Variants in LPAR1 observed in about 807,000 individuals in gnomAD.
The protein encoded by LPAR1 is lysophosphatidic acid receptor 1, also known as LPA receptor 1.
In LPAR1, 5 loss-of-function variants were observed where a neutral mutation model predicts 23.8. The ratio of observed to expected loss-of-function variants is 0.21; its 90% CI spans 0.11 to 0.44. The LOEUF (loss-of-function observed/expected upper bound fraction) is 0.44. Ranked by LOEUF, LPAR1 falls within the 20% of genes least tolerant of loss-of-function variation. The pLI is 0.99. For synonymous variants in LPAR1, 160 were observed against 164.7 expected (o/e 0.97, Z 0.22); for missense variants, 311 against 482.8 (o/e 0.64, Z 3.33).
intron 2 of LPAR1, among the ~76,000 whole-genome samples, chr9:111,025,279 T>G (rs2097668002): frequency 1.3e-5 from 2 of 152,234 alleles, no homozygotes; most frequent in African/African-American, 4.8e-5. Context: ...GTGGTTTGAT[T>G]TGTATTTCTC....
At chr9:110,994,092 T>C (rs1427743044) in intron 2 of LPAR1, among the ~76,000 whole-genome samples, 5 of 152,154 alleles carry the variant, frequency 3.3e-5, no homozygotes, top group African/African-American at 1.2e-4. Context: ...GTGATCAAAA[T>C]AACATCACCA....
chr9:111,036,667 G>T (rs956086716), intron 1 of LPAR1, among the ~76,000 whole-genome samples: 12 of 152,164 alleles, frequency 7.9e-5, no homozygotes. Flanking sequence ...GCTAGGGGAC[G>T]TGGTGTACCT....
intron 5 of LPAR1, among the ~76,000 whole-genome samples, chr9:110,924,795 T>A (rs1408118398): frequency 6.6e-6 from 1 of 152,364 alleles, no homozygotes; most frequent in East Asian, 1.9e-4. Flanking sequence ...TACATAAAAT[T>A]CATTTACATA....
At chr9:110,932,561 C>T (rs1038345953) in intron 5 of LPAR1, among the ~76,000 whole-genome samples, 7 of 152,316 alleles carry the variant, frequency 4.6e-5, no homozygotes, top group East Asian at 3.9e-4. Flanking sequence ...ATCAGGGGTT[C>T]GAAATCCCCA....
Position 110,941,422 on chromosome 9 carries a change from A to G in LPAR1, c.792T>C (p.Leu264=), listed in dbSNP as rs746360759. ...MSLLKTVVIV[L]GAFIICWTPG... ...AGTTACAGTCAAGACAGAACTTACC[A>G]AGCACAATGACCACAGTCTTCAGAA... The change falls in exon 5 of 6, where the codon CTT becomes CTC. Residue 264 remains leucine, a splice_region_variant and synonymous_variant. Coordinates refer to ENST00000683809, the MANE Select transcript of LPAR1 (RefSeq NM_001351411.2). The surrounding 1 kb of genome is among the most constrained non-coding windows in gnomAD (Gnocchi z 6.1). The G allele has an allele frequency of 1.2e-6, 2 of 1,606,464 alleles. No individual in the cohort carries two copies. The highest frequency in any genetic ancestry group is 2.2e-5 in the East Asian group (1 of 44,784).
At chr9:110,892,693 GAGGGGAAGGGAAAGGAAGGGAA>G (rs1303655814) in intron 5 of LPAR1, among the ~76,000 whole-genome samples, 2 of 148,708 alleles carry the variant, frequency 1.3e-5, no homozygotes, top group Non-Finnish European at 3.0e-5. Flanking sequence ...GAAGGGAGGG[GAGGGGAAGGGAAAGGAAGGGAA>G]AGGGGAAGGG....
intron 4 of LPAR1, among the ~76,000 whole-genome samples, chr9:110,968,196 T>C (rs1470081892): frequency 6.6e-6 from 1 of 152,212 alleles, no homozygotes; most frequent in Admixed American, 6.5e-5. Context: ...TCCAACTTTA[T>C]AACCTAACCC....
At chr9:110,945,340 G>C (rs928156616) in intron 4 of LPAR1, 13 of 152,138 alleles carry the variant, frequency 8.5e-5, no homozygotes, top group African/African-American at 3.1e-4. Flanking sequence ...GAACATAATG[G>C]GGAAAAATGT....
chr9:110,875,827 A>G (rs1380907344), intron 5 of LPAR1, 105 bp from the exon 6 acceptor site: 24 of 580,390 alleles, frequency 4.1e-5, no homozygotes, highest in Non-Finnish European at 1.1e-5. Context: ...CAATATAAAA[A>G]TACTGAAGTT....
chr9:110,990,120 C>T (rs1330998112), intron 2 of LPAR1, among the ~76,000 whole-genome samples: 1 of 151,914 alleles, frequency 6.6e-6, no homozygotes, highest in African/African-American at 2.4e-5. Flanking sequence ...GAAGTAAAAA[C>T]GAGTAACTGG....
chr9:110,923,293 G>T (rs1017608239), intron 5 of LPAR1, among the ~76,000 whole-genome samples: 1 of 152,174 alleles, frequency 6.6e-6, no homozygotes, highest in African/African-American at 2.4e-5. Flanking sequence ...TATACAGACG[G>T]TCCCTGACTT....
At chr9:110,975,490 A>G (rs1038357089) in intron 2 of LPAR1, among the ~76,000 whole-genome samples, 4 of 152,220 alleles carry the variant, frequency 2.6e-5, no homozygotes, top group Admixed American at 2.6e-4. Context: ...CCACAGTCAC[A>G]CAGTCAGGAA....
At chr9:110,876,533 C>T (rs370274909) in intron 5 of LPAR1, among the ~76,000 whole-genome samples, 67 of 152,136 alleles carry the variant, frequency 4.4e-4, no homozygotes, top group African/African-American at 1.5e-3. Flanking sequence ...AACTGAGACC[C>T]AGAAAGTTTA....
intron 5 of LPAR1, among the ~76,000 whole-genome samples, chr9:110,908,894 T>C (rs968432851): frequency 2.0e-5 from 3 of 152,222 alleles, no homozygotes; most frequent in Non-Finnish European, 2.9e-5. Flanking sequence ...CATCGTTCCA[T>C]AGACTGTTCT....
intron 5 of LPAR1, among the ~76,000 whole-genome samples, chr9:110,883,940 T>A (rs933799906): frequency 6.6e-6 from 1 of 152,134 alleles, no homozygotes; most frequent in African/African-American, 2.4e-5. Flanking sequence ...TTGGAATCTC[T>A]TTTCTTCTCC....
At chr9:110,919,775 G>C (rs2093483938) in intron 5 of LPAR1, among the ~76,000 whole-genome samples, 1 of 152,150 alleles carries the variant, frequency 6.6e-6, no homozygotes, top group Admixed American at 6.5e-5. Context: ...AATGCTTGCT[G>C]GCCCAAGGAA....
intron 4 of LPAR1, among the ~76,000 whole-genome samples, chr9:110,962,245 C>T (rs1178362382): frequency 6.6e-6 from 1 of 152,184 alleles, no homozygotes; most frequent in African/African-American, 2.4e-5. Flanking sequence ...CTACACAATC[C>T]AGCATGTCAG....
intron 5 of LPAR1, among the ~76,000 whole-genome samples, chr9:110,919,828 T>C (rs1341126720): frequency 6.6e-6 from 1 of 152,164 alleles, no homozygotes; most frequent in Non-Finnish European, 1.5e-5. Flanking sequence ...CCAGACAGCC[T>C]GTAACTTCCA....
At chr9:110,947,303 T>A (rs2095415915) in intron 4 of LPAR1, among the ~76,000 whole-genome samples, 1 of 152,168 alleles carries the variant, frequency 6.6e-6, no homozygotes, top group Non-Finnish European at 1.5e-5. Context: ...GTTATAGAAT[T>A]TCACCCTGCC....
Sources: allele counts gnomAD v4.1 joint callset (sites outside exome capture counted in the v4.1 genomes callset), GRCh38; gene constraint gnomAD v4.1.1; non-coding constraint Gnocchi (gnomAD v3.1); transcripts MANE v1.5; gene names NCBI Gene and HGNC (gene_info 2026-07-23, HGNC 2026-07-21).